INO80: variants seen among roughly 807,000 people sequenced by gnomAD.
INO80 encodes chromatin-remodeling ATPase INO80.
INO80 carries 20 observed loss-of-function variants against 203.4 expected under a neutral mutation model. The ratio of observed to expected loss-of-function variants is 0.10; its 90% CI spans 0.07 to 0.14. The LOEUF is 0.14. INO80 is among the 10% of genes least tolerant of loss of function. INO80 has a pLI of 1.00. For synonymous variants in INO80, 726 were observed against 685.2 expected (o/e 1.06, Z -0.93); for missense variants, 1,419 against 1,914.4 (o/e 0.74, Z 4.83).
intron 4 of INO80, among the ~76,000 whole-genome samples, chr15:41,093,708 C>T (rs1246287146): frequency 6.6e-6 from 1 of 151,854 alleles, no homozygotes; most frequent in Non-Finnish European, 1.5e-5. Flanking sequence ...ATTAGTTGAA[C>T]GTGGTGGTGC....
At chr15:41,111,428 G>T (rs983338607) in intron 1 of INO80, among the ~76,000 whole-genome samples, 1 of 151,086 alleles carries the variant, frequency 6.6e-6, no homozygotes, top group Non-Finnish European at 1.5e-5. Context: ...CCTGGCGAGA[G>T]AGCGAGACTC....
rs768908828 is a variant in INO80 at position 41,047,467 on chromosome 15, G to T, written c.2676C>A (p.Arg892=). 1.2e-6 allele frequency: 2 copies of T among 1,612,340 alleles called. No homozygotes were observed. Among genetic ancestry groups the T allele is most frequent in the African/African-American group, 1.3e-5 (1 of 74,832 alleles). Reference sequence around the variant, plus strand: ...TTTCTGCTGGAGATATATCAATAAAGCGAAGGAAAGAGAAACAGCTTTCTT... The same window carrying T: ...TTTCTGCTGGAGATATATCAATAAATCGAAGGAAAGAGAAACAGCTTTCTT... ...INEESCFSFL[R]FIDISPAEMA... Residue 892 remains arginine, a synonymous_variant, in exon 23 of 36, where the codon CGC becomes CGA. Transcript: ENST00000648947.
rs369185302 is a variant in INO80 at position 41,036,156 on chromosome 15, GAAAAAAAAAAAAAAA to G, written c.2908-8435_2908-8421del. On this transcript the variant is annotated intron_variant, in intron 24 of 35. Coordinates refer to ENST00000648947, the MANE Select transcript of INO80 (RefSeq NM_017553.3). The stretch of plus-strand genomic sequence containing the variant: ...GGGCAACAGAGTGCAACTCTCTCTC[GAAAAAAAAAAAAAAA>G]AAAAAAAAAAAAAACCCAAAAAAAC... 1.4e-3 allele frequency among the ~76,000 whole-genome samples: 46 copies of G among 32,150 alleles called. 1 individual carries two copies. The highest frequency in any genetic ancestry group is 1.2e-3 in the Admixed American group (2 of 1,668). The allele number at this position is 32,150 out of a possible 152,430, so 21.1% of individuals were successfully genotyped here.
At chr15:41,068,571 A>AG (rs2045259910) in intron 14 of INO80, among the ~76,000 whole-genome samples, 4 of 151,172 alleles carry the variant, frequency 2.6e-5, no homozygotes, top group African/African-American at 7.3e-5. Context: ...AAAAAAAAAA[A>AG]CAACAGCTGT....
intron 13 of INO80, among the ~76,000 whole-genome samples, chr15:41,069,867 A>C (rs1303280707): frequency 6.6e-6 from 1 of 152,268 alleles, no homozygotes. Context: ...AAAAATGGCA[A>C]GCAACTATTC....
At chr15:41,035,230 C>T (rs2044550004) in intron 24 of INO80, among the ~76,000 whole-genome samples, 1 of 152,160 alleles carries the variant, frequency 6.6e-6, no homozygotes, top group Non-Finnish European at 1.5e-5. Flanking sequence ...AATGAAATAT[C>T]TGATATAATG....
intron 14 of INO80, among the ~76,000 whole-genome samples, chr15:41,060,872 T>C (rs1013641211): frequency 1.3e-5 from 2 of 152,176 alleles, no homozygotes; most frequent in African/African-American, 2.4e-5. Flanking sequence ...CCCACACTTA[T>C]CTCTATAGCT....
chr15:41,113,999 T>A (rs976188305), intron 1 of INO80, among the ~76,000 whole-genome samples: 1 of 152,222 alleles, frequency 6.6e-6, no homozygotes. Context: ...CCGGGCACGG[T>A]GGCTCACGCC....
At chr15:41,105,051 G>A (rs954203389) in intron 1 of INO80, among the ~76,000 whole-genome samples, 2 of 152,136 alleles carry the variant, frequency 1.3e-5, no homozygotes, top group Non-Finnish European at 2.9e-5. Context: ...CAAACCATCT[G>A]CAAATAAGCA....
intron 27 of INO80, among the ~76,000 whole-genome samples, chr15:41,013,892 GA>G (rs1345110504): frequency 1.3e-5 from 2 of 152,140 alleles, no homozygotes; most frequent in African/African-American, 2.4e-5. Context: ...ATTCCCCTTA[GA>G]AATACATCTA....
chr15:41,007,524 T>C (rs959073198), intron 27 of INO80, among the ~76,000 whole-genome samples: 3 of 152,050 alleles, frequency 2.0e-5, no homozygotes, highest in Admixed American at 6.6e-5. Flanking sequence ...CATAAAAGCA[T>C]TGATGAATGA....
At chr15:41,107,403 A>G (rs981535517) in intron 1 of INO80, among the ~76,000 whole-genome samples, 8 of 152,162 alleles carry the variant, frequency 5.3e-5, no homozygotes, top group Non-Finnish European at 1.2e-4. Flanking sequence ...TCGGAGGCTG[A>G]GGCAGGAGAA....
chr15:41,065,444 A>G (rs529177301), intron 14 of INO80, among the ~76,000 whole-genome samples: 90 of 151,720 alleles, frequency 5.9e-4, no homozygotes, highest in Admixed American at 1.2e-3. Context: ...CATAAAACAA[A>G]AAACAAAAAA....
chr15:41,095,283 G>A (rs1186590639), intron 4 of INO80, among the ~76,000 whole-genome samples: 1 of 152,228 alleles, frequency 6.6e-6, no homozygotes, highest in Non-Finnish European at 1.5e-5. Flanking sequence ...GGAGGTTGCA[G>A]TGAGCTGAGA....
Position 41,116,126 on chromosome 15 carries a change from G to A in INO80, c.-197C>T, listed in dbSNP as rs1315969385. 5.0e-6 allele frequency: 2 copies of A among 400,852 alleles called. No homozygotes were observed. The highest frequency in any genetic ancestry group is 7.1e-5 in the East Asian group (2 of 28,164). 24.8% of individuals were successfully genotyped at this position (400,852 alleles called of 1,614,324 possible). ...ACTGCGTTGGGCGTGGACGCTCCTAGCTCGCTCCCTCCGCGGCTCCTGGGA... is the reference window on the plus strand; with the variant it reads ...ACTGCGTTGGGCGTGGACGCTCCTAACTCGCTCCCTCCGCGGCTCCTGGGA... On this transcript the variant is annotated 5_prime_UTR_variant, in exon 1 of 36. Transcript: ENST00000648947.
At chr15:41,076,604 T>G (rs749149392) in intron 9 of INO80, among the ~76,000 whole-genome samples, 2 of 151,968 alleles carry the variant, frequency 1.3e-5, no homozygotes, top group Non-Finnish European at 2.9e-5. Flanking sequence ...TTGCCAGGCA[T>G]GGTAGCATGT....
chr15:41,035,523 C>T (rs2140498404), intron 24 of INO80, among the ~76,000 whole-genome samples: 1 of 149,542 alleles, frequency 6.7e-6, no homozygotes, highest in African/African-American at 2.5e-5. Flanking sequence ...AAGACTACAT[C>T]TCTAAAAAAA....
chr15:41,057,887 C>A (rs1021604104), intron 16 of INO80, among the ~76,000 whole-genome samples: 4 of 150,686 alleles, frequency 2.7e-5, no homozygotes, highest in Non-Finnish European at 4.4e-5. Context: ...TTAACATGGA[C>A]CTCTAATAAA....
intron 1 of INO80, among the ~76,000 whole-genome samples, chr15:41,108,579 G>A (rs1358192558): frequency 3.7e-5 from 5 of 136,570 alleles, no homozygotes; most frequent in African/African-American, 5.5e-5. Context: ...GGGACACAGC[G>A]AGACTCCGTC....
Sources: allele counts gnomAD v4.1 joint callset (sites outside exome capture counted in the v4.1 genomes callset), GRCh38; gene constraint gnomAD v4.1.1; transcripts MANE v1.5; gene names NCBI Gene and HGNC (gene_info 2026-07-23, HGNC 2026-07-21).